The following NPY2R variants were observed in gnomAD, a reference collection of about 807,000 sequenced individuals.
The protein encoded by NPY2R is neuropeptide Y receptor type 2.
Under a neutral mutation model 22.3 loss-of-function variants are expected in NPY2R, and 17 were observed. That is an observed-to-expected ratio of 0.76 (90% CI 0.52 to 1.14). The LOEUF is 1.14. Among genes scored for constraint, NPY2R ranks in the 50% most tolerant of loss-of-function variants. The probability of loss-of-function intolerance (pLI) is 0.00; values close to 1 mark genes in which losing one functional copy is unlikely to be tolerated. For missense variants in NPY2R, 424 were observed against 467.9 expected (o/e 0.91, Z 0.87); for synonymous variants, 209 against 183.4 (o/e 1.14, Z -1.13).
chr4:155,183,255 T>C, the NPY2R span, among the ~76,000 whole-genome samples: 1 of 152,236 alleles, frequency 6.6e-6, no homozygotes, highest in Non-Finnish European at 1.5e-5. Context: ...ACACTCTCTC[T>C]GTGCGGTGCC....
the NPY2R span, among the ~76,000 whole-genome samples, chr4:155,200,926 C>T: frequency 4.6e-5 from 7 of 151,956 alleles, no homozygotes; most frequent in South Asian, 4.2e-4. Context: ...ACCTAGATGA[C>T]GGGTTGATAG....
the NPY2R span, among the ~76,000 whole-genome samples, chr4:155,195,345 T>C: frequency 6.6e-6 from 1 of 151,834 alleles, no homozygotes; most frequent in Non-Finnish European, 1.5e-5. Context: ...AATGAAAAAA[T>C]ATTTGGAGAG....
In NPY2R at chr4:155,215,104, A is replaced by C; in HGVS notation, c.*19A>C. The C allele has an allele frequency of 6.2e-7, 1 of 1,604,826 alleles. No homozygotes were observed. The highest frequency in any genetic ancestry group is 8.5e-7 in the Non-Finnish European group (1 of 1,173,112). ...TGTCTAAGGAAGCTGTGGTGTGAAA[A>C]TGTATGGATGAATTCTGACCAGAGC... On this transcript the variant is annotated 3_prime_UTR_variant, in exon 2 of 2. Coordinates refer to ENST00000329476, the MANE Select transcript of NPY2R (RefSeq NM_000910.4).
At chr4:155,176,189 T>G in the NPY2R span, among the ~76,000 whole-genome samples, 1 of 152,148 alleles carries the variant, frequency 6.6e-6, no homozygotes, top group Admixed American at 6.5e-5. Flanking sequence ...TTTTAGTTGG[T>G]TGGTGAGATG....
At chr4:155,204,782 C>T (rs964111100), upstream of NPY2R, among the ~76,000 whole-genome samples, 2 of 149,304 alleles carry the variant, frequency 1.3e-5, no homozygotes. Context: ...TGATGATGGT[C>T]ATGCTGGATG....
the NPY2R span, among the ~76,000 whole-genome samples, chr4:155,181,962 C>T: frequency 6.6e-6 from 1 of 151,986 alleles, no homozygotes; most frequent in Non-Finnish European, 1.5e-5. Flanking sequence ...GATGGAATGT[C>T]CCAGTGGAAG....
chr4:155,181,960 G>T, the NPY2R span, among the ~76,000 whole-genome samples: 1 of 152,118 alleles, frequency 6.6e-6, no homozygotes, highest in Non-Finnish European at 1.5e-5. Context: ...ATGATGGAAT[G>T]TCCCAGTGGA....
At chr4:155,187,328 C>CAG in the NPY2R span, among the ~76,000 whole-genome samples, 4 of 152,130 alleles carry the variant, frequency 2.6e-5, no homozygotes, top group Non-Finnish European at 5.9e-5. Flanking sequence ...TAACATGCAA[C>CAG]AGAGAATAGA....
At chr4:155,210,042 C>A (rs1729370621) in intron 1 of NPY2R, among the ~76,000 whole-genome samples, 1 of 152,094 alleles carries the variant, frequency 6.6e-6, no homozygotes, top group African/African-American at 2.4e-5. Flanking sequence ...AAAATTGTAC[C>A]AGTAAAAGTT....
At chr4:155,183,716 C>T in the NPY2R span, among the ~76,000 whole-genome samples, 56 of 152,180 alleles carry the variant, frequency 3.7e-4, no homozygotes, top group Non-Finnish European at 7.2e-4. Context: ...GGAATGCTTG[C>T]TCCAATATTG....
At chr4:155,186,481 T>G in the NPY2R span, among the ~76,000 whole-genome samples, 1 of 152,202 alleles carries the variant, frequency 6.6e-6, no homozygotes, top group Admixed American at 6.6e-5. Context: ...AAATTGAAAT[T>G]GTATAGATTT....
intron 1 of NPY2R, among the ~76,000 whole-genome samples, chr4:155,210,286 G>A (rs1729377015): frequency 6.6e-6 from 1 of 151,600 alleles, no homozygotes; most frequent in Admixed American, 6.6e-5. Context: ...AGCTAACACT[G>A]TCTATATTCT....
chr4:155,182,824 G>A, the NPY2R span, among the ~76,000 whole-genome samples: 18 of 152,018 alleles, frequency 1.2e-4, no homozygotes, highest in East Asian at 2.7e-3. Flanking sequence ...ATGGAGTCTC[G>A]CTGTTTCACC....
the NPY2R span, among the ~76,000 whole-genome samples, chr4:155,177,328 AG>A: frequency 6.6e-6 from 1 of 152,338 alleles, no homozygotes; most frequent in South Asian, 2.1e-4. Flanking sequence ...AGGCAGAAAC[AG>A]GACCCACACT....
the NPY2R span, among the ~76,000 whole-genome samples, chr4:155,200,870 G>A: frequency 6.6e-6 from 1 of 152,074 alleles, no homozygotes; most frequent in Non-Finnish European, 1.5e-5. Context: ...GGGGGTGAGG[G>A]GAGGGAGAGC....
chr4:155,205,094 A>G (rs765730820), upstream of NPY2R, among the ~76,000 whole-genome samples: 3 of 152,230 alleles, frequency 2.0e-5, no homozygotes, highest in African/African-American at 4.8e-5. Flanking sequence ...TCAAGGGTCA[A>G]CTATATTTAG....
At chr4:155,178,747 C>A in the NPY2R span, among the ~76,000 whole-genome samples, 6,972 of 152,202 alleles carry the variant, frequency 0.046, 510 homozygotes, top group African/African-American at 0.16. Context: ...TTAATGAAGT[C>A]CCCCTTTGTC....
chr4:155,174,484 A>ATATATATATGTATATT, the NPY2R span, among the ~76,000 whole-genome samples: 6 of 106,120 alleles, frequency 5.7e-5, 1 homozygote, highest in African/African-American at 2.7e-4. Context: ...ATATATATAT[A>ATATATATATGTATATT]TTTTTTTTTT....
the NPY2R span, among the ~76,000 whole-genome samples, chr4:155,180,916 A>G: frequency 6.6e-6 from 1 of 152,080 alleles, no homozygotes; most frequent in Non-Finnish European, 1.5e-5. Flanking sequence ...TGATGAAATT[A>G]CGTTTTATTG....
Sources: gnomAD v4.1 joint callset for allele counts (sites outside exome capture counted in the v4.1 genomes callset) on GRCh38, gnomAD v4.1.1 for gene constraint, MANE v1.5 for transcripts, NCBI Gene and HGNC (gene_info 2026-07-23, HGNC 2026-07-21) for gene names.